MYL1: variants seen among roughly 807,000 people sequenced by gnomAD.
MYL1 encodes the protein myosin light chain 1/3, skeletal muscle isoform.
Under a neutral mutation model 21.8 loss-of-function variants are expected in MYL1, and 16 were observed. The observed-to-expected ratio is 0.74, with a 90% confidence interval of 0.50 to 1.12. The LOEUF (loss-of-function observed/expected upper bound fraction) is 1.12. MYL1 is among the 50% of genes most tolerant of loss of function. The probability of loss-of-function intolerance (pLI) is 0.00; values close to 1 mark genes in which losing one functional copy is unlikely to be tolerated. For synonymous variants in MYL1, 99 were observed against 85.2 expected, an observed-to-expected ratio of 1.16 and a Z score of -0.89; for missense variants, 246 against 241.0, an observed-to-expected ratio of 1.02 and a Z score of -0.14.
rs201406310 is a variant in MYL1, at chr2:210,302,507, G to T, written c.141C>A (p.Phe47Leu). ...KIDLSAIKIE[F>L]SKEQQDEFKE... ...ACTTACCATCCTGCTGTTCCTTAGA[G>T]AACTCGATCTGTTAGAAAGAAATTG... The change falls in exon 2 of 7, where the codon TTC (phenylalanine) becomes TTA (leucine). Residue 47 changes from phenylalanine (F) to leucine (L), a missense_variant. Coordinates refer to ENST00000352451, the MANE Select transcript of MYL1 (RefSeq NM_079420.3). 3.7e-6 allele frequency: 6 copies of T among 1,609,754 alleles called. No individual in the cohort carries two copies. Among genetic ancestry groups the T allele is most frequent in the Non-Finnish European group, 4.2e-6 (5 of 1,178,746 alleles).
At chr2:210,295,921 A>C (rs1690167108) in intron 3 of MYL1, among the ~76,000 whole-genome samples, 2 of 151,982 alleles carry the variant, frequency 1.3e-5, no homozygotes. Flanking sequence ...TTTCTACATG[A>C]TGTAATTGGA....
Position 210,298,406 on chromosome 2 carries a change from AATTGATGGGTTACCTTC to A in MYL1, c.301_304+13del. ...CCTATACTTCCACACTTCTTGGAAA[AATTGATGGGTTACCTTC>A]ATTGCTGGGGTTTCCCAGAACTTTC... On this transcript the variant is annotated splice_donor_variant and splice_donor_5th_base_variant and coding_sequence_variant and intron_variant, in exon 3 of 7. Coordinates refer to ENST00000352451, the MANE Select transcript of MYL1 (RefSeq NM_079420.3). LOFTEE classifies it high-confidence loss of function. The A allele has an allele frequency of 1.2e-6, 2 of 1,613,058 alleles. No individual in the cohort carries two copies. The highest frequency in any genetic ancestry group is 1.7e-6 in the Non-Finnish European group (2 of 1,179,654).
At chr2:210,293,238 T>G (rs1189219082) in intron 5 of MYL1, among the ~76,000 whole-genome samples, 2 of 152,038 alleles carry the variant, frequency 1.3e-5, no homozygotes, top group African/African-American at 4.8e-5. Flanking sequence ...ATTAAACAAT[T>G]GGCAACTGTG....
intron 2 of MYL1, among the ~76,000 whole-genome samples, chr2:210,300,870 C>T (rs1028123178): frequency 1.3e-5 from 2 of 151,978 alleles, no homozygotes; most frequent in Non-Finnish European, 2.9e-5. Flanking sequence ...ATTCTTTAAC[C>T]ACTAAACAAG....
chr2:210,314,847 G>A, intron 1 of MYL1, 64 bp downstream of exon 1: 1 of 1,579,982 alleles, frequency 6.3e-7, no homozygotes, highest in Non-Finnish European at 8.7e-7. Context: ...GCCTTTGCAA[G>A]TTCCTAGAGA....
intron 1 of MYL1, among the ~76,000 whole-genome samples, chr2:210,313,852 A>C (rs1690451401): frequency 6.6e-6 from 1 of 152,114 alleles, no homozygotes. Context: ...CATAGTTACA[A>C]GTAAACAATG....
chr2:210,300,170 G>T (rs1448007066), intron 2 of MYL1, among the ~76,000 whole-genome samples: 1 of 152,096 alleles, frequency 6.6e-6, no homozygotes, highest in African/African-American at 2.4e-5. Context: ...TGGACAGACT[G>T]CTCAGCAGGC....
chr2:210,291,814 G>C (rs1020744343), intron 5 of MYL1, among the ~76,000 whole-genome samples: 5 of 152,044 alleles, frequency 3.3e-5, no homozygotes, highest in Admixed American at 2.0e-4. Flanking sequence ...GTTATGAACA[G>C]CACAGTAATG....
At chr2:210,304,535 G>A (rs1053442829) in intron 1 of MYL1, among the ~76,000 whole-genome samples, 1 of 152,008 alleles carries the variant, frequency 6.6e-6, no homozygotes, top group Non-Finnish European at 1.5e-5. Flanking sequence ...ATACAAAATT[G>A]TACTTTATTT....
At chr2:210,306,120 C>A (rs189840573) in intron 1 of MYL1, among the ~76,000 whole-genome samples, 2 of 151,752 alleles carry the variant, frequency 1.3e-5, no homozygotes, top group Non-Finnish European at 2.9e-5. Flanking sequence ...GTGGCTCATG[C>A]GTGTAATCCC....
chr2:210,314,889 A>T, intron 1 of MYL1, 22 bp downstream of exon 1: 1 of 1,613,562 alleles, frequency 6.2e-7, no homozygotes, highest in South Asian at 1.1e-5. Context: ...TCAGTGACCA[A>T]ACAGTTCATC....
intron 5 of MYL1, among the ~76,000 whole-genome samples, chr2:210,291,878 A>C (rs1341268426): frequency 6.6e-6 from 1 of 152,174 alleles, no homozygotes; most frequent in African/African-American, 2.4e-5. Context: ...TCTAGAGACT[A>C]AGTCTCTCCA....
chr2:210,301,409 A>G (rs1478654871), intron 2 of MYL1, among the ~76,000 whole-genome samples: 1 of 152,140 alleles, frequency 6.6e-6, no homozygotes, highest in East Asian at 1.9e-4. Flanking sequence ...GAACTATTTC[A>G]GATGCAGAAA....
chr2:210,291,953 C>G (rs1197499029), intron 5 of MYL1, among the ~76,000 whole-genome samples: 2 of 152,120 alleles, frequency 1.3e-5, no homozygotes, highest in Non-Finnish European at 2.9e-5. Context: ...ACATGCATTC[C>G]CATCAGTGAT....
rs1411608668 is a variant in MYL1, at chr2:210,302,962, GC to G, written c.133-448del. The G allele has an allele frequency of 4.9e-6, 3 of 618,178 alleles. No individual in the cohort carries two copies. In the African/African-American group the frequency reaches 5.6e-5, roughly 12 times the overall value. The allele number at this position is 618,178 out of a possible 1,614,324, so 38.3% of individuals were successfully genotyped here. ...GAATCTAGGAACATAAAAAGCTATT[GC>G]AAAAGATAATTAGGGAATATCTTTC... On this transcript the variant is annotated intron_variant, in intron 1 of 6. Transcript: ENST00000352451.
Position 210,305,548 on chromosome 2 carries a change from T to C in MYL1, c.133-3033A>G, listed in dbSNP as rs531467749. ...TAATTATATTTATGTAATTATGTTA[T>C]TAAATTTGAATCATCTTATGATTAT... On this transcript the variant is annotated intron_variant, in intron 1 of 6. Coordinates refer to ENST00000352451, the MANE Select transcript of MYL1 (RefSeq NM_079420.3). Among the ~76,000 whole-genome samples, 13 of 152,300 alleles carry C rather than the reference T, an allele frequency of 8.5e-5. No individual in the cohort carries two copies. The South Asian group carries it at 2.7e-3, about 32-fold the overall frequency.
At chr2:210,312,000 G>A (rs1446665255) in intron 1 of MYL1, among the ~76,000 whole-genome samples, 1 of 151,960 alleles carries the variant, frequency 6.6e-6, no homozygotes, top group Non-Finnish European at 1.5e-5. Flanking sequence ...TTGAAGAAAT[G>A]TTGTAAACTA....
At position 210,311,298 on chromosome 2, in the gene MYL1, C is replaced by T. The variant is rs181912512; in HGVS notation, c.132+3613G>A. On this transcript the variant is annotated intron_variant, in intron 1 of 6. Coordinates refer to ENST00000352451, the MANE Select transcript of MYL1 (RefSeq NM_079420.3). Reference sequence around the variant, plus strand: ...CCAAAACAAATTGGGTGCCACAATGCGTATAAAACTATCTGCCTCCACTGA... The same window carrying T: ...CCAAAACAAATTGGGTGCCACAATGTGTATAAAACTATCTGCCTCCACTGA... Among the ~76,000 whole-genome samples the T allele has an allele frequency of 2.3e-3, 344 of 151,752 alleles. 1 individual carries two copies. The highest frequency in any genetic ancestry group is 0.014 in the Middle Eastern group (4 of 294).
At chr2:210,312,592 G>A (rs1382388972) in intron 1 of MYL1, among the ~76,000 whole-genome samples, 2 of 151,778 alleles carry the variant, frequency 1.3e-5, no homozygotes, top group East Asian at 1.9e-4. Flanking sequence ...ATCTAAATAT[G>A]CACTGATTTA....
Sources: allele counts gnomAD v4.1 joint callset (sites outside exome capture counted in the v4.1 genomes callset), GRCh38; gene constraint gnomAD v4.1.1; transcripts MANE v1.5; gene names NCBI Gene and HGNC (gene_info 2026-07-23, HGNC 2026-07-21).